Variants in ZNF804B observed in about 807,000 individuals in gnomAD.
ZNF804B encodes the protein zinc finger protein 804B.
In ZNF804B, 80 loss-of-function variants were observed where a neutral mutation model predicts 101.4. The ratio of observed to expected loss-of-function variants is 0.79; its 90% CI spans 0.66 to 0.95. The LOEUF (loss-of-function observed/expected upper bound fraction) is 0.95, where lower values mean the gene tolerates loss of function less well. Among genes scored for constraint, ZNF804B ranks in the 40% least tolerant of loss-of-function variants. The pLI, the probability that ZNF804B is intolerant of heterozygous loss-of-function variation, is 0.00. For missense variants in ZNF804B, 1,673 were observed against 1,561.9 expected (o/e 1.07, Z -1.20); for synonymous variants, 622 against 558.8 (o/e 1.11, Z -1.59).
chr7:89,025,879 G>A (rs759621746), intron 1 of ZNF804B, among the ~76,000 whole-genome samples: 1 of 152,060 alleles, frequency 6.6e-6, no homozygotes, highest in African/African-American at 2.4e-5. Flanking sequence ...AAAAGGCAAA[G>A]CTAATTATAT....
At chr7:89,182,337 T>C (rs144917824) in intron 1 of ZNF804B, among the ~76,000 whole-genome samples, 1 of 152,312 alleles carries the variant, frequency 6.6e-6, no homozygotes, top group African/African-American at 2.4e-5. Context: ...ACAGCATATT[T>C]TCCTGTTCAT....
At chr7:88,861,897 C>G (rs768350108) in intron 1 of ZNF804B, among the ~76,000 whole-genome samples, 1 of 152,086 alleles carries the variant, frequency 6.6e-6, no homozygotes, top group Non-Finnish European at 1.5e-5. Context: ...ATTATGGGAA[C>G]AAGAAGGAGA....
At chr7:88,898,200 C>T (rs1318050108) in intron 1 of ZNF804B, among the ~76,000 whole-genome samples, 1 of 149,708 alleles carries the variant, frequency 6.7e-6, no homozygotes, top group African/African-American at 2.5e-5. Flanking sequence ...CATTCTCCTG[C>T]CTCAGCCTCC....
intron 2 of ZNF804B, among the ~76,000 whole-genome samples, chr7:89,242,960 A>C (rs1398208781): frequency 6.6e-6 from 1 of 151,880 alleles, no homozygotes; most frequent in East Asian, 1.9e-4. Context: ...ATGTTGGAAG[A>C]GTTGGCTATC....
At chr7:88,995,362 A>T in intron 1 of ZNF804B, among the ~76,000 whole-genome samples, 1 of 152,116 alleles carries the variant, frequency 6.6e-6, no homozygotes, top group Non-Finnish European at 1.5e-5. Flanking sequence ...TATACTTACT[A>T]ATTGACAAGA....
chr7:89,176,084 C>T (rs1052293277), intron 1 of ZNF804B, among the ~76,000 whole-genome samples: 29 of 152,010 alleles, frequency 1.9e-4, no homozygotes, highest in African/African-American at 6.7e-4. Context: ...TTAGGACTTC[C>T]AGTATGATGT....
chr7:89,336,397 A>C lies in ZNF804B; in HGVS notation c.3415A>C (p.Ile1139Leu), dbSNP rs753175516. Residue 1139 changes from isoleucine (I) to leucine (L), a missense_variant, in exon 4 of 4, where the codon ATC becomes CTC. Ile to Leu is a conservative substitution (Grantham distance 5). Transcript: ENST00000333190. ...CGGATTAGAAATGTGTCATAAATCTATCTCTCCCCCTTTAATTCAACAGCC... is the reference window on the plus strand; with the variant it reads ...CGGATTAGAAATGTGTCATAAATCTCTCTCTCCCCCTTTAATTCAACAGCC... ...EDGLEMCHKS[I>L]SPPLIQQPIT... 1.7e-5 allele frequency: 28 copies of C among 1,613,876 alleles called. 1 individual carries two copies. The highest frequency in any genetic ancestry group is 1.6e-4 in the South Asian group (15 of 91,088).
At chr7:89,093,618 C>T (rs983086028) in intron 1 of ZNF804B, among the ~76,000 whole-genome samples, 1 of 152,224 alleles carries the variant, frequency 6.6e-6, no homozygotes, top group African/African-American at 2.4e-5. Flanking sequence ...ACACATTGCC[C>T]TGTTTGTACG....
chr7:88,804,776 A>G (rs1790659107), intron 1 of ZNF804B, among the ~76,000 whole-genome samples: 1 of 152,078 alleles, frequency 6.6e-6, no homozygotes, highest in Non-Finnish European at 1.5e-5. Context: ...CTTTTGGTTC[A>G]GCTTTGAACA....
At chr7:89,290,897 C>T (rs1198977501) in intron 2 of ZNF804B, among the ~76,000 whole-genome samples, 1 of 152,088 alleles carries the variant, frequency 6.6e-6, no homozygotes, top group African/African-American at 2.4e-5. Flanking sequence ...CACAGGGGTA[C>T]TACAGTCACT....
chr7:88,953,938 A>G (rs1165169737), intron 1 of ZNF804B, among the ~76,000 whole-genome samples: 1 of 151,694 alleles, frequency 6.6e-6, no homozygotes. Flanking sequence ...GTTCTGTATT[A>G]TGAATGTCAC....
chr7:89,016,557 G>A (rs1307056740), intron 1 of ZNF804B, among the ~76,000 whole-genome samples: 1 of 148,826 alleles, frequency 6.7e-6, no homozygotes, highest in Non-Finnish European at 1.5e-5. Context: ...TCTACATATG[G>A]CTAGCCAGTT....
At chr7:89,234,459 A>C (rs1789247303) in intron 2 of ZNF804B, among the ~76,000 whole-genome samples, 1 of 152,132 alleles carries the variant, frequency 6.6e-6, no homozygotes, top group South Asian at 2.1e-4. Context: ...TAAGATTTCC[A>C]TGAAATTAAA....
intron 1 of ZNF804B, among the ~76,000 whole-genome samples, chr7:89,033,534 C>T (rs964439933): frequency 2.0e-5 from 3 of 152,064 alleles, no homozygotes; most frequent in Admixed American, 6.6e-5. Flanking sequence ...GTGGAACCTA[C>T]ACACAGTTTT....
intron 1 of ZNF804B, among the ~76,000 whole-genome samples, chr7:88,803,875 G>T (rs1314028127): frequency 6.6e-6 from 1 of 152,070 alleles, no homozygotes; most frequent in East Asian, 1.9e-4. Flanking sequence ...AAAGAAGAAG[G>T]TGGAGGAGCA....
intron 1 of ZNF804B, among the ~76,000 whole-genome samples, chr7:88,909,344 T>G (rs1384798408): frequency 6.6e-6 from 1 of 151,844 alleles, no homozygotes; most frequent in Admixed American, 6.6e-5. Flanking sequence ...TTCCAATTGC[T>G]AATTATTTTT....
intron 1 of ZNF804B, among the ~76,000 whole-genome samples, chr7:88,884,990 C>T (rs1792102558): frequency 1.3e-5 from 2 of 151,850 alleles, no homozygotes; most frequent in African/African-American, 4.8e-5. Flanking sequence ...CCACTTTGAG[C>T]TTAAGGTGCT....
At chr7:89,126,934 C>T (rs561741898) in intron 1 of ZNF804B, among the ~76,000 whole-genome samples, 1 of 152,020 alleles carries the variant, frequency 6.6e-6, no homozygotes, top group South Asian at 2.1e-4. Context: ...CTGCCTACCT[C>T]ACAGGGATGC....
At chr7:88,806,131 C>A (rs1346830305) in intron 1 of ZNF804B, among the ~76,000 whole-genome samples, 1 of 151,946 alleles carries the variant, frequency 6.6e-6, no homozygotes, top group African/African-American at 2.4e-5. Flanking sequence ...GGCTATATCC[C>A]TCCCACTGTT....
Sources: allele counts gnomAD v4.1 joint callset (sites outside exome capture counted in the v4.1 genomes callset), GRCh38; gene constraint gnomAD v4.1.1; transcripts MANE v1.5; gene names NCBI Gene and HGNC (gene_info 2026-07-23, HGNC 2026-07-21).